MYRIP: variants seen among roughly 807,000 people sequenced by gnomAD.
MYRIP encodes rab effector MyRIP.
Under a neutral mutation model 98.0 loss-of-function variants are expected in MYRIP, and 49 were observed. The observed-to-expected ratio is 0.50, with a 90% confidence interval of 0.40 to 0.63. The LOEUF (loss-of-function observed/expected upper bound fraction) is 0.63. MYRIP is among the 30% of genes least tolerant of loss of function. The pLI is 0.00. For synonymous variants in MYRIP, 404 were observed against 409.5 expected (o/e 0.99, Z 0.16); for missense variants, 1,004 against 1,058.2 (o/e 0.95, Z 0.71).
chr3:40,226,160 T>C (rs922344684), intron 11 of MYRIP, among the ~76,000 whole-genome samples: 5 of 152,172 alleles, frequency 3.3e-5, no homozygotes, highest in African/African-American at 1.2e-4. Context: ...ATGACTCAGG[T>C]GCTATTCCAC....
At chr3:40,036,302 C>A (rs79074931) in intron 2 of MYRIP, among the ~76,000 whole-genome samples, 64 of 64,268 alleles carry the variant, frequency 1.0e-3, no homozygotes, top group African/African-American at 1.5e-3. Context: ...CAACTGATAC[C>A]AAAAAAAAAA....
At chr3:40,109,410 TAAGA>T (rs1315156277) in intron 3 of MYRIP, among the ~76,000 whole-genome samples, 1 of 152,028 alleles carries the variant, frequency 6.6e-6, no homozygotes, top group African/African-American at 2.4e-5. Flanking sequence ...GTCAACAATG[TAAGA>T]GAGAGGGAAG....
chr3:40,084,358 T>C (rs1948559742), intron 3 of MYRIP, among the ~76,000 whole-genome samples: 1 of 64,310 alleles, frequency 1.6e-5, no homozygotes, highest in African/African-American at 6.1e-5. Flanking sequence ...TATATATCGA[T>C]AGATAATACA....
At chr3:39,810,653 C>T (rs1940651223) in intron 1 of MYRIP, 1 of 152,286 alleles carries the variant, frequency 6.6e-6, no homozygotes, top group Non-Finnish European at 1.5e-5. Flanking sequence ...AACCCCAAGA[C>T]CTGCGGCTTT....
chr3:40,210,198 T>G, intron 11 of MYRIP, 105 bp downstream of exon 11: 1 of 1,384,460 alleles, frequency 7.2e-7, no homozygotes, highest in Non-Finnish European at 9.6e-7. Flanking sequence ...CAAAGAGCTC[T>G]CTCTAAAATG....
At chr3:40,005,796 T>C (rs1946619677) in intron 2 of MYRIP, among the ~76,000 whole-genome samples, 4 of 152,164 alleles carry the variant, frequency 2.6e-5, no homozygotes, top group Admixed American at 1.3e-4. Context: ...CAAATCTCCT[T>C]TGTAACTGGG....
At chr3:40,068,637 T>C (rs1273730435) in intron 3 of MYRIP, among the ~76,000 whole-genome samples, 1 of 152,208 alleles carries the variant, frequency 6.6e-6, no homozygotes, top group Admixed American at 6.5e-5. Context: ...GGATACTACA[T>C]TCAAGTTATG....
intron 1 of MYRIP, among the ~76,000 whole-genome samples, chr3:39,843,954 A>G (rs1941884401): frequency 6.6e-6 from 1 of 152,212 alleles, no homozygotes; most frequent in Admixed American, 6.5e-5. Context: ...ACAGGCTACC[A>G]TGTCCATTTT....
At chr3:40,215,473 C>T (rs1020079507) in intron 11 of MYRIP, among the ~76,000 whole-genome samples, 1 of 152,062 alleles carries the variant, frequency 6.6e-6, no homozygotes, top group Admixed American at 6.6e-5. Flanking sequence ...CTGATGGCTG[C>T]CCCCCAATTA....
chr3:40,099,273 A>G (rs1427231190), intron 3 of MYRIP, among the ~76,000 whole-genome samples: 2 of 152,230 alleles, frequency 1.3e-5, no homozygotes. Flanking sequence ...ATGTGGTCTG[A>G]GAAAAATGCT....
At chr3:40,154,722 C>A (rs1393066008) in intron 4 of MYRIP, among the ~76,000 whole-genome samples, 1 of 152,078 alleles carries the variant, frequency 6.6e-6, no homozygotes, top group African/African-American at 2.4e-5. Context: ...TTGACAAGCC[C>A]CAGGATGCAT....
chr3:40,056,441 AGTCT>A (rs1947886832), intron 3 of MYRIP, among the ~76,000 whole-genome samples: 1 of 152,146 alleles, frequency 6.6e-6, no homozygotes, highest in South Asian at 2.1e-4. Flanking sequence ...ATACTCTTAG[AGTCT>A]CTTCTCAGAG....
At chr3:40,251,472 C>A (rs1347558230) in intron 15 of MYRIP, among the ~76,000 whole-genome samples, 1 of 152,210 alleles carries the variant, frequency 6.6e-6, no homozygotes, top group African/African-American at 2.4e-5. Context: ...AATATCCTTA[C>A]AGCAGAGCAC....
rs577661033 is a variant in MYRIP, at chr3:40,079,226, G to A, written c.332+34955G>A. Among the ~76,000 whole-genome samples, 16 of 152,346 alleles carry A rather than the reference G, an allele frequency of 1.1e-4. No homozygotes were observed. In the South Asian group the frequency reaches 2.3e-3, roughly 22 times the overall value. ...CCTTCTTAGACACTTGAGAGTAAAAGGGAGCACCCTTCATTACACTGGACT... is the reference window on the plus strand; with the variant it reads ...CCTTCTTAGACACTTGAGAGTAAAAAGGAGCACCCTTCATTACACTGGACT... On this transcript the variant is annotated intron_variant, in intron 3 of 16. Transcript: ENST00000302541.
intron 1 of MYRIP, among the ~76,000 whole-genome samples, chr3:39,813,986 A>G (rs1339779863): frequency 6.6e-6 from 1 of 152,232 alleles, no homozygotes; most frequent in Non-Finnish European, 1.5e-5. Context: ...ATTTTAGCTT[A>G]GCATTCCTTT....
intron 3 of MYRIP, among the ~76,000 whole-genome samples, chr3:40,087,738 G>A (rs915618511): frequency 1.3e-5 from 2 of 152,234 alleles, no homozygotes; most frequent in Admixed American, 1.3e-4. Context: ...CACACAGAGA[G>A]CTCTCTGGAT....
At chr3:39,973,869 C>T (rs769898292) in intron 2 of MYRIP, among the ~76,000 whole-genome samples, 12 of 152,240 alleles carry the variant, frequency 7.9e-5, no homozygotes, top group South Asian at 2.1e-4. Flanking sequence ...AAAGACGCAA[C>T]GTACCAGAAT....
At chr3:40,095,142 T>C (rs529054949) in intron 3 of MYRIP, among the ~76,000 whole-genome samples, 2 of 152,184 alleles carry the variant, frequency 1.3e-5, no homozygotes, top group East Asian at 3.9e-4. Context: ...GGGACACTTT[T>C]ACCAGGAAAA....
At chr3:40,148,831 G>C (rs1036787816) in intron 3 of MYRIP, among the ~76,000 whole-genome samples, 1 of 152,138 alleles carries the variant, frequency 6.6e-6, no homozygotes, top group African/African-American at 2.4e-5. Flanking sequence ...GGACTTAGTT[G>C]GTGAATAAAG....
Sources: allele counts gnomAD v4.1 joint callset (sites outside exome capture counted in the v4.1 genomes callset), GRCh38; gene constraint gnomAD v4.1.1; transcripts MANE v1.5; gene names NCBI Gene and HGNC (gene_info 2026-07-23, HGNC 2026-07-21).